Variants in TAFA4 observed in about 807,000 individuals in gnomAD.
TAFA4 encodes TAFA chemokine like family member 4.
TAFA4 carries 20 observed loss-of-function variants against 21.1 expected under a neutral mutation model. That is an observed-to-expected ratio of 0.95 (90% CI 0.67 to 1.38). The LOEUF is 1.38. TAFA4 is among the 40% of genes most tolerant of loss of function. The probability of loss-of-function intolerance (pLI) is 0.00; values close to 1 mark genes in which losing one functional copy is unlikely to be tolerated. For missense variants in TAFA4, 211 were observed against 180.9 expected, an observed-to-expected ratio of 1.17 and a Z score of -0.95; for synonymous variants, 71 against 67.4, an observed-to-expected ratio of 1.05 and a Z score of -0.26.
chr3:68,852,146 T>A (rs889834126), intron 3 of TAFA4, among the ~76,000 whole-genome samples: 1 of 152,136 alleles, frequency 6.6e-6, no homozygotes, highest in African/African-American at 2.4e-5. Context: ...GACTCTTGCA[T>A]CTCAAGACTG....
intron 3 of TAFA4, among the ~76,000 whole-genome samples, chr3:68,783,683 G>C (rs1015944241): frequency 8.3e-6 from 1 of 120,664 alleles, no homozygotes; most frequent in Non-Finnish European, 1.7e-5. Context: ...CAGAGAGAGA[G>C]AGAGAGAGAG....
At chr3:68,769,033 A>G (rs953847639) in intron 3 of TAFA4, among the ~76,000 whole-genome samples, 2 of 152,180 alleles carry the variant, frequency 1.3e-5, no homozygotes, top group Admixed American at 6.6e-5. Context: ...AGGGGTCCCC[A>G]ACCTCCTCCG....
intron 4 of TAFA4, among the ~76,000 whole-genome samples, chr3:68,740,969 A>G (rs187755168): frequency 5.9e-5 from 9 of 152,218 alleles, no homozygotes; most frequent in Admixed American, 5.9e-4. Context: ...GAATGGATTT[A>G]TTTCTGAGTT....
chr3:68,899,960 C>T (rs1029088806), intron 1 of TAFA4, among the ~76,000 whole-genome samples: 2 of 151,736 alleles, frequency 1.3e-5, no homozygotes, highest in Admixed American at 1.3e-4. Flanking sequence ...AAATAATAGG[C>T]CTGGCATGGT....
intron 3 of TAFA4, among the ~76,000 whole-genome samples, chr3:68,795,038 A>G (rs1048043876): frequency 2.6e-5 from 4 of 151,172 alleles, no homozygotes; most frequent in African/African-American, 9.8e-5. Flanking sequence ...ACACACACAG[A>G]CACACAGTCT....
At chr3:68,847,450 G>C (rs1704833143) in intron 3 of TAFA4, among the ~76,000 whole-genome samples, 1 of 152,226 alleles carries the variant, frequency 6.6e-6, no homozygotes, top group Non-Finnish European at 1.5e-5. Context: ...TTAGCTTGCT[G>C]GGCTCTGTCG....
At chr3:68,774,354 C>A (rs191348046) in intron 3 of TAFA4, among the ~76,000 whole-genome samples, 88 of 152,298 alleles carry the variant, frequency 5.8e-4, no homozygotes, top group African/African-American at 2.0e-3. Flanking sequence ...ATTTAATACA[C>A]ATTATCTCCT....
At chr3:68,817,231 G>A (rs770986667) in intron 3 of TAFA4, among the ~76,000 whole-genome samples, 3 of 152,074 alleles carry the variant, frequency 2.0e-5, no homozygotes, top group African/African-American at 4.8e-5. Flanking sequence ...TCCATCTCAG[G>A]AAACTACTTT....
intron 3 of TAFA4, among the ~76,000 whole-genome samples, chr3:68,817,694 A>C (rs936451325): frequency 1.3e-5 from 2 of 152,162 alleles, no homozygotes; most frequent in Admixed American, 6.5e-5. Context: ...CTCCTTGTAC[A>C]TCTCCATCAG....
At chr3:68,738,333 C>G (rs1045330609) in intron 5 of TAFA4, among the ~76,000 whole-genome samples, 7 of 152,148 alleles carry the variant, frequency 4.6e-5, no homozygotes, top group African/African-American at 1.7e-4. Flanking sequence ...GTGGACCAAT[C>G]ACCAGAGGGT....
chr3:68,771,498 C>T lies in TAFA4; in HGVS notation c.131-18480G>A, dbSNP rs536423786. ...ACTGAAAATATGAGCCACACCCTGT[C>T]GCACTTCCTGCGAGGGGGATAAGGG... On this transcript the variant is annotated intron_variant, in intron 3 of 5. Transcript: ENST00000295569. 2.6e-5 allele frequency among the ~76,000 whole-genome samples: 4 copies of T among 152,296 alleles called. No homozygotes were observed. The South Asian group carries it at 6.2e-4, about 24-fold the overall frequency.
At chr3:68,751,693 C>T (rs1366124484) in intron 4 of TAFA4, among the ~76,000 whole-genome samples, 1 of 152,106 alleles carries the variant, frequency 6.6e-6, no homozygotes, top group Non-Finnish European at 1.5e-5. Flanking sequence ...CTTGAATTAA[C>T]ATGAAGTTCT....
At chr3:68,802,559 T>C (rs1703600505) in intron 3 of TAFA4, among the ~76,000 whole-genome samples, 1 of 152,142 alleles carries the variant, frequency 6.6e-6, no homozygotes, top group African/African-American at 2.4e-5. Context: ...TGAGTATGGC[T>C]TTGTTGAAGT....
At position 68,789,775 on chromosome 3, in the gene TAFA4, G is replaced by A. The variant is rs373182729; in HGVS notation, c.131-36757C>T. On this transcript the variant is annotated intron_variant, in intron 3 of 5. Coordinates refer to ENST00000295569, the MANE Select transcript of TAFA4 (RefSeq NM_182522.5). ...AGTAGCCACTGTAAAAATATCCATC[G>A]GATGAATTAACTTTGTTTCTCATCA... Among the ~76,000 whole-genome samples, 141 of 152,160 alleles carry A rather than the reference G, an allele frequency of 9.3e-4. 1 individual carries two copies. Among genetic ancestry groups the A allele is most frequent in the African/African-American group, 3.0e-3 (123 of 41,498 alleles).
chr3:68,817,879 C>CT (rs1238197557), intron 3 of TAFA4, among the ~76,000 whole-genome samples: 1 of 152,144 alleles, frequency 6.6e-6, no homozygotes, highest in African/African-American at 2.4e-5. Flanking sequence ...TAGCATAACT[C>CT]TGAGGGCCCT....
chr3:68,791,456 A>G (rs771537849), intron 3 of TAFA4, among the ~76,000 whole-genome samples: 53 of 152,180 alleles, frequency 3.5e-4, no homozygotes, highest in Non-Finnish European at 5.4e-4. Context: ...GAGGGAGCAT[A>G]GCCCTGCCAA....
At chr3:68,807,472 C>T (rs1007397829) in intron 3 of TAFA4, among the ~76,000 whole-genome samples, 2 of 152,138 alleles carry the variant, frequency 1.3e-5, no homozygotes, top group South Asian at 2.1e-4. Context: ...TAGCTTGTCA[C>T]AAGAATTGGG....
chr3:68,831,646 T>C (rs1406841713), intron 3 of TAFA4, among the ~76,000 whole-genome samples: 2 of 152,196 alleles, frequency 1.3e-5, no homozygotes, highest in Middle Eastern at 3.2e-3. Flanking sequence ...TTGGTGAATC[T>C]GGCAATTATA....
At chr3:68,814,610 T>C (rs1477562786) in intron 3 of TAFA4, among the ~76,000 whole-genome samples, 1 of 152,130 alleles carries the variant, frequency 6.6e-6, no homozygotes, top group African/African-American at 2.4e-5. Context: ...TTACAAGGAA[T>C]GTGAAGGACC....
Sources: gnomAD v4.1 joint callset for allele counts (sites outside exome capture counted in the v4.1 genomes callset) on GRCh38, gnomAD v4.1.1 for gene constraint, MANE v1.5 for transcripts, NCBI Gene and HGNC (gene_info 2026-07-23, HGNC 2026-07-21) for gene names.